Variants in EHBP1 observed in about 807,000 individuals in gnomAD.
The protein encoded by EHBP1 is EH domain binding protein 1.
A neutral mutation model predicts 144.0 loss-of-function variants in EHBP1; 55 were observed. That is an observed-to-expected ratio of 0.38 (90% CI 0.31 to 0.48). The LOEUF (loss-of-function observed/expected upper bound fraction) is 0.48. Among genes scored for constraint, EHBP1 ranks in the 20% least tolerant of loss-of-function variants. The pLI is 0.98. For synonymous variants in EHBP1, 469 were observed against 472.7 expected (o/e 0.99, Z 0.10); for missense variants, 1,200 against 1,364.2 (o/e 0.88, Z 1.90).
At chr2:62,735,956 T>C (rs2038081201) in intron 2 of EHBP1, among the ~76,000 whole-genome samples, 1 of 152,124 alleles carries the variant, frequency 6.6e-6, no homozygotes, top group African/African-American at 2.4e-5. Context: ...TCTTTGATTT[T>C]CTGTAGTTTG....
chr2:62,688,614 CT>C (rs1410682791), intron 1 of EHBP1, among the ~76,000 whole-genome samples: 7 of 152,256 alleles, frequency 4.6e-5, no homozygotes, highest in East Asian at 3.9e-4. Flanking sequence ...AAATCTCCCC[CT>C]ATTCCCCTCT....
At chr2:62,750,143 C>T (rs999204590) in intron 3 of EHBP1, among the ~76,000 whole-genome samples, 7 of 152,244 alleles carry the variant, frequency 4.6e-5, no homozygotes, top group African/African-American at 1.7e-4. Flanking sequence ...TTTAATCCAT[C>T]TTGAATTAAT....
In EHBP1 at chr2:62,993,530, A is replaced by G; in HGVS notation, c.2734A>G (p.Ser912Gly). Residue 912 changes from serine (S) to glycine (G), a missense_variant and splice_region_variant, in exon 17 of 23, where the codon AGT (serine) becomes GGT (glycine). Around this residue, in one of 6 missense-constraint regions of EHBP1, gnomAD observed 543 missense variants for 513.1 expected, o/e 1.06. Transcript: ENST00000431489. Reference protein sequence around the residue: ...VTESSEQDMKSGTEDLRTERL... With the variant: ...VTESSEQDMKGGTEDLRTERL... ...TTACCATGTGTTGTTTTACGTTTAG[A>G]GTGGCACAGAAGATCTCCGGACTGA... The G allele has an allele frequency of 8.8e-6, 14 of 1,582,734 alleles. No individual in the cohort carries two copies. The highest frequency in any genetic ancestry group is 1.2e-5 in the South Asian group (1 of 85,878).
intron 5 of EHBP1, among the ~76,000 whole-genome samples, chr2:62,807,934 T>C (rs2044642278): frequency 6.6e-6 from 1 of 151,990 alleles, no homozygotes; most frequent in South Asian, 2.1e-4. Context: ...TTTCTAGATA[T>C]GCCGAACTGG....
rs750794804 is a variant in EHBP1 at position 62,993,517 on chromosome 2, G to A, written c.2734-13G>A. ...GATCAGGACTCTCTTACCATGTGTT[G>A]TTTTACGTTTAGAGTGGCACAGAAG... On this transcript the variant is annotated splice_polypyrimidine_tract_variant and intron_variant, in intron 16 of 22. Transcript: ENST00000431489. 2 of 1,557,808 alleles carry A rather than the reference G, an allele frequency of 1.3e-6. No individual in the cohort carries two copies. Among genetic ancestry groups the A allele is most frequent in the Admixed American group, 1.8e-5 (1 of 56,166 alleles).
chr2:62,729,390 T>A (rs13022246), intron 2 of EHBP1, among the ~76,000 whole-genome samples: 38,574 of 117,052 alleles, frequency 0.33, 6,428 homozygotes, highest in Middle Eastern at 0.51. Context: ...AATATCATAT[T>A]TATTATATAT....
intron 3 of EHBP1, among the ~76,000 whole-genome samples, chr2:62,757,630 C>T (rs1347429137): frequency 1.3e-5 from 2 of 151,708 alleles, no homozygotes; most frequent in Non-Finnish European, 2.9e-5. Flanking sequence ...GACGGGCTTT[C>T]ACCATGTTGT....
intron 19 of EHBP1, among the ~76,000 whole-genome samples, chr2:63,034,209 A>G (rs1264693457): frequency 6.6e-6 from 1 of 152,102 alleles, no homozygotes; most frequent in Non-Finnish European, 1.5e-5. Flanking sequence ...ATTTATTTAT[A>G]ATAAACATGA....
intron 2 of EHBP1, among the ~76,000 whole-genome samples, chr2:62,713,384 G>C (rs534848035): frequency 2.0e-5 from 3 of 151,692 alleles, no homozygotes; most frequent in Non-Finnish European, 2.9e-5. Context: ...TGGGATTACC[G>C]GCATGTACCA....
intron 3 of EHBP1, among the ~76,000 whole-genome samples, chr2:62,750,048 A>G (rs2039533159): frequency 6.6e-6 from 1 of 152,130 alleles, no homozygotes; most frequent in Non-Finnish European, 1.5e-5. Context: ...TTAGACATGA[A>G]GTCCTTGCCC....
At chr2:62,999,423 G>A (rs2153227190) in intron 19 of EHBP1, among the ~76,000 whole-genome samples, 2 of 152,204 alleles carry the variant, frequency 1.3e-5, no homozygotes, top group South Asian at 4.1e-4. Flanking sequence ...TCACCATTGT[G>A]TATTTTCAGA....
chr2:62,881,156 T>C (rs2051379134), intron 10 of EHBP1, among the ~76,000 whole-genome samples: 1 of 151,968 alleles, frequency 6.6e-6, no homozygotes, highest in Non-Finnish European at 1.5e-5. Flanking sequence ...AACCAAATAC[T>C]GCATGTTGTC....
chr2:62,750,821 G>A (rs1558603970), intron 3 of EHBP1, among the ~76,000 whole-genome samples: 1 of 152,134 alleles, frequency 6.6e-6, no homozygotes, highest in Non-Finnish European at 1.5e-5. Context: ...TGTGATTTTT[G>A]CGCATTGATT....
intron 13 of EHBP1, among the ~76,000 whole-genome samples, chr2:62,954,578 G>C (rs899982301): frequency 6.6e-6 from 1 of 151,804 alleles, no homozygotes; most frequent in African/African-American, 2.4e-5. Context: ...AGAAAAAAAG[G>C]CTTTAAAAAA....
chr2:63,034,486 G>A (rs1457515130), intron 19 of EHBP1, among the ~76,000 whole-genome samples: 1 of 151,972 alleles, frequency 6.6e-6, no homozygotes, highest in African/African-American at 2.4e-5. Flanking sequence ...AAGATTAAAC[G>A]ATTTATGGCC....
At chr2:62,764,163 G>T (rs1029180612) in intron 3 of EHBP1, 103 bp from the exon 4 acceptor site, 18 of 792,804 alleles carry the variant, frequency 2.3e-5, no homozygotes, top group Non-Finnish European at 3.5e-5. Flanking sequence ...TACTAACATT[G>T]CATTTCCTGT....
At chr2:62,758,744 AC>A (rs1206918673) in intron 3 of EHBP1, among the ~76,000 whole-genome samples, 2 of 152,138 alleles carry the variant, frequency 1.3e-5, no homozygotes, top group Non-Finnish European at 2.9e-5. Context: ...TGGCATTACC[AC>A]CTTTACTTCC....
Position 62,893,363 on chromosome 2 carries a change from A to G in EHBP1, c.1185+18831A>G, listed in dbSNP as rs181041845. Reference sequence around the variant, plus strand: ...TTTTTTAAACGGTGTGAGATGTTAAAGTGCTGTAAAGTAGAATCTGAAATC... The same window carrying G: ...TTTTTTAAACGGTGTGAGATGTTAAGGTGCTGTAAAGTAGAATCTGAAATC... On this transcript the variant is annotated intron_variant, in intron 10 of 22. Transcript: ENST00000431489. Among the ~76,000 whole-genome samples the G allele has an allele frequency of 8.5e-4, 130 of 152,288 alleles. 2 individuals carry two copies. In the East Asian group the frequency reaches 0.015, roughly 18 times the overall value.
At chr2:62,832,735 T>C (rs577358902) in intron 7 of EHBP1, among the ~76,000 whole-genome samples, 1 of 152,308 alleles carries the variant, frequency 6.6e-6, no homozygotes, top group East Asian at 1.9e-4. Flanking sequence ...TTCTGACTGA[T>C]CCACCAACTA....
Sources: allele counts gnomAD v4.1 joint callset (sites outside exome capture counted in the v4.1 genomes callset), GRCh38; gene constraint gnomAD v4.1.1; regional missense constraint gnomAD v4.1.1; transcripts MANE v1.5; gene names NCBI Gene and HGNC (gene_info 2026-07-23, HGNC 2026-07-21).